Variants in GLIS3 observed in about 807,000 individuals in gnomAD.
The protein encoded by GLIS3 is zinc finger protein GLIS3.
In GLIS3, 53 loss-of-function variants were observed where a neutral mutation model predicts 78.6. That is an observed-to-expected ratio of 0.67 (90% CI 0.54 to 0.85). The LOEUF is 0.85. GLIS3 is among the 40% of genes least tolerant of loss of function. The pLI is 0.00. For missense variants in GLIS3, 1,703 were observed against 1,231.1 expected (o/e 1.38, Z -5.74); for synonymous variants, 684 against 509.9 (o/e 1.34, Z -4.60).
rs578030304 is a variant in GLIS3 at position 3,825,846 on chromosome 9, A to T, written c.*2426T>A. On this transcript the variant is annotated 3_prime_UTR_variant, in exon 11 of 11. Transcript: ENST00000381971. Reference sequence around the variant, plus strand: ...GGCTGCACTGGGTCCTGTGGCCAGCATGCTCTCTCTGAGATAAAATGTCCC... The same window carrying T: ...GGCTGCACTGGGTCCTGTGGCCAGCTTGCTCTCTCTGAGATAAAATGTCCC... 4 of 152,392 alleles carry T rather than the reference A, an allele frequency of 2.6e-5. No individual in the cohort carries two copies. Among genetic ancestry groups the T allele is most frequent in the African/African-American group, 7.2e-5 (3 of 41,568 alleles). The allele number at this position is 152,392 out of a possible 1,614,324, so 9.4% of individuals were successfully genotyped here.
intron 4 of GLIS3, among the ~76,000 whole-genome samples, chr9:4,049,518 G>C (rs1279345017): frequency 6.6e-6 from 1 of 152,128 alleles, no homozygotes; most frequent in Non-Finnish European, 1.5e-5. Flanking sequence ...CAGGAGTGTC[G>C]TGTACTGAGC....
At chr9:4,294,412 G>C (rs904244025) in intron 1 of GLIS3, among the ~76,000 whole-genome samples, 2 of 152,096 alleles carry the variant, frequency 1.3e-5, no homozygotes, top group African/African-American at 4.8e-5. Context: ...GGGAGGCTGA[G>C]GCAGGAGAAT....
chr9:4,058,809 T>C lies in GLIS3; in HGVS notation c.1710+58959A>G, dbSNP rs993986117. Among the ~76,000 whole-genome samples the C allele has an allele frequency of 5.3e-5, 8 of 151,870 alleles. No homozygotes were observed. The East Asian group carries it at 1.2e-3, about 22-fold the overall frequency. ...TCCTGGCTAACACAGTGAAACCCCA[T>C]CTCTACTAAAAAATACAAAAAAATT... On this transcript the variant is annotated intron_variant, in intron 4 of 10. Transcript: ENST00000381971.
chr9:3,949,078 G>C (rs995134307), intron 4 of GLIS3, among the ~76,000 whole-genome samples: 7 of 152,194 alleles, frequency 4.6e-5, no homozygotes, highest in Admixed American at 1.3e-4. Context: ...ATTTAACCAA[G>C]TATTCCCTCC....
chr9:4,359,025 G>T, the GLIS3 span, among the ~76,000 whole-genome samples: 4 of 152,154 alleles, frequency 2.6e-5, no homozygotes, highest in African/African-American at 9.7e-5. Flanking sequence ...ATGGTGGCTT[G>T]TAGAGGCAGA....
chr9:4,287,164 G>A (rs1828071745), intron 1 of GLIS3, among the ~76,000 whole-genome samples: 1 of 152,100 alleles, frequency 6.6e-6, no homozygotes, highest in Non-Finnish European at 1.5e-5. Context: ...TATGGGGATG[G>A]GAAGAGAATC....
chr9:4,427,594 C>T, the GLIS3 span, among the ~76,000 whole-genome samples: 5,522 of 152,252 alleles, frequency 0.036, 166 homozygotes, highest in Admixed American at 0.096. Flanking sequence ...CGCAGTGGCT[C>T]ACACCTGTAA....
At chr9:4,421,181 C>A in the GLIS3 span, among the ~76,000 whole-genome samples, 1 of 152,172 alleles carries the variant, frequency 6.6e-6, no homozygotes, top group Non-Finnish European at 1.5e-5. Context: ...AGTTGATATT[C>A]ATGAAAGGCT....
intron 8 of GLIS3, among the ~76,000 whole-genome samples, chr9:3,872,453 T>C (rs1026347846): frequency 2.6e-5 from 4 of 152,214 alleles, no homozygotes; most frequent in African/African-American, 9.7e-5. Flanking sequence ...AGAGGTTTAA[T>C]TGGACTTACA....
At chr9:4,088,592 C>T (rs1353012348) in intron 4 of GLIS3, among the ~76,000 whole-genome samples, 1 of 152,190 alleles carries the variant, frequency 6.6e-6, no homozygotes. Flanking sequence ...ACTGGCTAAT[C>T]CCCATTGTAG....
rs554854368 is a variant in GLIS3, at chr9:4,153,101, A to C, written c.389-27160T>G. Reference sequence around the variant, plus strand: ...GTAGCACCCCTCGTGGTGACAACCAAAATTAAACTCTGTCTAGACATTGCC... The same window carrying C: ...GTAGCACCCCTCGTGGTGACAACCACAATTAAACTCTGTCTAGACATTGCC... On this transcript the variant is annotated intron_variant, in intron 2 of 10. Transcript: ENST00000381971. 2.0e-5 allele frequency among the ~76,000 whole-genome samples: 3 copies of C among 152,286 alleles called. No individual in the cohort carries two copies. The East Asian group carries it at 5.8e-4, about 29-fold the overall frequency.
At chr9:4,111,408 T>TA (rs1173744626) in intron 4 of GLIS3, among the ~76,000 whole-genome samples, 1 of 152,214 alleles carries the variant, frequency 6.6e-6, no homozygotes. Flanking sequence ...CCAAATCTGC[T>TA]ACGAATTTAT....
intron 2 of GLIS3, chr9:4,144,690 G>A (rs1019546517): frequency 3.9e-5 from 6 of 152,164 alleles, no homozygotes; most frequent in African/African-American, 9.7e-5. Flanking sequence ...ATGAGTAGGG[G>A]CAAGAAACCA....
chr9:4,278,263 C>T (rs1818054357), intron 2 of GLIS3, among the ~76,000 whole-genome samples: 1 of 152,156 alleles, frequency 6.6e-6, no homozygotes, highest in African/African-American at 2.4e-5. Flanking sequence ...GCAATGACAT[C>T]CCACAGTCAA....
chr9:3,902,107 C>G (rs1161809529), intron 6 of GLIS3, among the ~76,000 whole-genome samples: 1 of 152,234 alleles, frequency 6.6e-6, no homozygotes, highest in Non-Finnish European at 1.5e-5. Context: ...TCTTTCTTAG[C>G]TTCACTAAAT....
chr9:4,393,973 C>G, the GLIS3 span, among the ~76,000 whole-genome samples: 2 of 151,676 alleles, frequency 1.3e-5, no homozygotes, highest in South Asian at 4.2e-4. Context: ...ACAGAACTGC[C>G]AAAACTGAAA....
chr9:4,028,324 T>C (rs927387492), intron 4 of GLIS3, among the ~76,000 whole-genome samples: 4 of 152,172 alleles, frequency 2.6e-5, no homozygotes, highest in African/African-American at 9.7e-5. Flanking sequence ...GCATAATGCA[T>C]TACTTCATAA....
At chr9:4,288,555 A>C (rs1294232116) in intron 1 of GLIS3, among the ~76,000 whole-genome samples, 1 of 152,180 alleles carries the variant, frequency 6.6e-6, no homozygotes, top group African/African-American at 2.4e-5. Flanking sequence ...CTGGATAAAA[A>C]CACATAAGGA....
chr9:3,898,497 C>T, intron 7 of GLIS3, 194 bp downstream of exon 7: 1 of 675,370 alleles, frequency 1.5e-6, no homozygotes. Context: ...TATTTTATTT[C>T]TTTATGAGAA....
Sources: allele counts gnomAD v4.1 joint callset (sites outside exome capture counted in the v4.1 genomes callset), GRCh38; gene constraint gnomAD v4.1.1; transcripts MANE v1.5; gene names NCBI Gene and HGNC (gene_info 2026-07-23, HGNC 2026-07-21).